Variants in ZNF804B observed in about 807,000 individuals in gnomAD.
ZNF804B encodes zinc finger protein 804B, also known as zinc finger 804B.
Under a neutral mutation model 101.4 loss-of-function variants are expected in ZNF804B, and 80 were observed. The observed-to-expected ratio is 0.79, with a 90% CI of 0.66 to 0.95. The LOEUF is 0.95. ZNF804B is among the 40% of genes least tolerant of loss of function. The pLI is 0.00. For synonymous variants in ZNF804B, 622 were observed against 558.8 expected, an observed-to-expected ratio of 1.11 and a Z score of -1.59; for missense variants, 1,673 against 1,561.9, an observed-to-expected ratio of 1.07 and a Z score of -1.20.
intron 1 of ZNF804B, among the ~76,000 whole-genome samples, chr7:89,209,694 T>A (rs956630214): frequency 5.3e-5 from 8 of 152,238 alleles, no homozygotes; most frequent in African/African-American, 1.7e-4. Flanking sequence ...TGAATTGTGT[T>A]GCCAGGGTAG....
chr7:89,177,275 G>A (rs556469065), intron 1 of ZNF804B, among the ~76,000 whole-genome samples: 2 of 152,138 alleles, frequency 1.3e-5, no homozygotes, highest in African/African-American at 4.8e-5. Flanking sequence ...TTTCCTCTTA[G>A]TACTACCTTA....
chr7:89,314,852 G>A (rs1790697695), intron 2 of ZNF804B, among the ~76,000 whole-genome samples: 2 of 152,126 alleles, frequency 1.3e-5, no homozygotes, highest in African/African-American at 4.8e-5. Flanking sequence ...CCTGTTGTTA[G>A]TTGCTACTCT....
At chr7:89,065,991 G>GGGAACCAT (rs1270838659) in intron 1 of ZNF804B, among the ~76,000 whole-genome samples, 2 of 151,982 alleles carry the variant, frequency 1.3e-5, no homozygotes, top group African/African-American at 4.8e-5. Flanking sequence ...AGACATCTTG[G>GGGAACCAT]GGAACCATTA....
intron 1 of ZNF804B, among the ~76,000 whole-genome samples, chr7:88,841,991 C>T (rs1180793977): frequency 6.6e-6 from 1 of 152,144 alleles, no homozygotes; most frequent in South Asian, 2.1e-4. Context: ...CCAGATATTT[C>T]ACTGATTGAG....
intron 1 of ZNF804B, among the ~76,000 whole-genome samples, chr7:89,153,720 T>A (rs981032551): frequency 2.6e-5 from 4 of 152,096 alleles, no homozygotes; most frequent in African/African-American, 9.7e-5. Context: ...TACTTTCTAG[T>A]TCTTTGCTTG....
chr7:88,877,999 A>G (rs1791977660), intron 1 of ZNF804B, among the ~76,000 whole-genome samples: 1 of 152,180 alleles, frequency 6.6e-6, no homozygotes, highest in African/African-American at 2.4e-5. Flanking sequence ...GAAAAATACT[A>G]TTGTAAAAAA....
At chr7:89,262,302 C>A (rs1027861059) in intron 2 of ZNF804B, among the ~76,000 whole-genome samples, 1 of 152,110 alleles carries the variant, frequency 6.6e-6, no homozygotes, top group East Asian at 1.9e-4. Flanking sequence ...ATCATTTATT[C>A]AATTTCAATT....
intron 1 of ZNF804B, among the ~76,000 whole-genome samples, chr7:88,917,832 G>A (rs1792659006): frequency 6.6e-6 from 1 of 152,030 alleles, no homozygotes; most frequent in South Asian, 2.1e-4. Context: ...AAAAACGTGA[G>A]CAAATTGAAG....
chr7:89,020,975 A>T (rs568664255), intron 1 of ZNF804B, among the ~76,000 whole-genome samples: 5 of 152,162 alleles, frequency 3.3e-5, no homozygotes, highest in African/African-American at 9.6e-5. Flanking sequence ...GATGATTATT[A>T]TCTGTTACTA....
chr7:88,812,361 T>C (rs1380402864), intron 1 of ZNF804B, among the ~76,000 whole-genome samples: 2 of 152,044 alleles, frequency 1.3e-5, no homozygotes, highest in Non-Finnish European at 2.9e-5. Flanking sequence ...AAACAGAAAA[T>C]AACAACTGTT....
intron 2 of ZNF804B, among the ~76,000 whole-genome samples, chr7:89,298,615 TTATC>T (rs1212306095): frequency 2.0e-5 from 3 of 151,908 alleles, no homozygotes; most frequent in Non-Finnish European, 2.9e-5. Context: ...CAATAATTAA[TTATC>T]TATATATGGC....
At chr7:89,143,540 T>C (rs1320902951) in intron 1 of ZNF804B, among the ~76,000 whole-genome samples, 1 of 152,072 alleles carries the variant, frequency 6.6e-6, no homozygotes, top group South Asian at 2.1e-4. Context: ...CATCAACTTA[T>C]CCTTTTTAAA....
At chr7:89,323,596 A>G (rs748717332) in intron 2 of ZNF804B, among the ~76,000 whole-genome samples, 2 of 152,132 alleles carry the variant, frequency 1.3e-5, no homozygotes, top group African/African-American at 2.4e-5. Flanking sequence ...TTTCTTTACT[A>G]TATGGCCATC....
intron 2 of ZNF804B, among the ~76,000 whole-genome samples, chr7:89,249,278 G>T (rs1562927917): frequency 6.6e-6 from 1 of 152,032 alleles, no homozygotes; most frequent in Non-Finnish European, 1.5e-5. Flanking sequence ...TTGGCCAGTT[G>T]GACCTAATAT....
intron 1 of ZNF804B, among the ~76,000 whole-genome samples, chr7:89,033,188 T>C (rs1788866735): frequency 6.6e-6 from 1 of 152,098 alleles, no homozygotes. Flanking sequence ...TTCTATTGTT[T>C]TAGAATCCAT....
chr7:89,134,934 G>C (rs1790606989), intron 1 of ZNF804B, among the ~76,000 whole-genome samples: 1 of 151,964 alleles, frequency 6.6e-6, no homozygotes, highest in Non-Finnish European at 1.5e-5. Flanking sequence ...TTTTTGGTCA[G>C]TTTTATTGCA....
intron 1 of ZNF804B, among the ~76,000 whole-genome samples, chr7:89,040,165 T>A (rs1788994007): frequency 6.6e-6 from 1 of 152,044 alleles, no homozygotes; most frequent in East Asian, 1.9e-4. Flanking sequence ...CTTTCTTTAC[T>A]CTTTTTTATC....
intron 1 of ZNF804B, among the ~76,000 whole-genome samples, chr7:89,095,183 A>C (rs764168724): frequency 6.6e-6 from 1 of 152,056 alleles, no homozygotes; most frequent in Non-Finnish European, 1.5e-5. Context: ...GCCCTTATAA[A>C]GGGATTTGAT....
chr7:88,840,554 C>T (rs1183860156), intron 1 of ZNF804B, among the ~76,000 whole-genome samples: 4 of 151,860 alleles, frequency 2.6e-5, no homozygotes, highest in Admixed American at 2.6e-4. Context: ...TGTGTTGAAA[C>T]CTGTCAAACT....
Sources: allele counts gnomAD v4.1 joint callset (sites outside exome capture counted in the v4.1 genomes callset), GRCh38; gene constraint gnomAD v4.1.1; transcripts MANE v1.5; gene names NCBI Gene and HGNC (gene_info 2026-07-23, HGNC 2026-07-21).